Variants in TENM1 observed in about 807,000 individuals in gnomAD.
TENM1 encodes the protein teneurin-1.
In TENM1, 35 loss-of-function variants were observed where a neutral mutation model predicts 174.8. The ratio of observed to expected loss-of-function variants is 0.20; its 90% confidence interval spans 0.15 to 0.27. The LOEUF (loss-of-function observed/expected upper bound fraction) is 0.27. TENM1 is among the 10% of genes least tolerant of loss of function. The probability of loss-of-function intolerance (pLI) is 1.00; values close to 1 mark genes in which losing one functional copy is unlikely to be tolerated. For missense variants in TENM1, 1,633 were observed against 2,130.1 expected (o/e 0.77, Z 4.59); for synonymous variants, 781 against 798.7 (o/e 0.98, Z 0.37).
At chrX:125,195,660 T>A in the TENM1 span, among the ~76,000 whole-genome samples, 1 of 111,574 alleles carries the variant, frequency 9.0e-6, no homozygotes, top group Admixed American at 9.6e-5. Context: ...GAAAGATATA[T>A]CACAAATGTA....
chrX:124,512,170 T>C (rs896330849), intron 18 of TENM1, among the ~76,000 whole-genome samples: 2 of 111,447 alleles, frequency 1.8e-5, no homozygotes, highest in Non-Finnish European at 3.8e-5. Context: ...GGGAATTATT[T>C]TGACAAAATT....
At chrX:124,897,202 T>C (rs1054951557) in intron 1 of TENM1, among the ~76,000 whole-genome samples, 1 of 111,294 alleles carries the variant, frequency 9.0e-6, no homozygotes, top group African/African-American at 3.3e-5. Flanking sequence ...TATAGCAAGG[T>C]GTCAAAAAGG....
intron 3 of TENM1, among the ~76,000 whole-genome samples, chrX:124,737,459 G>A (rs769548191): frequency 8.9e-6 from 1 of 111,806 alleles, no homozygotes; most frequent in African/African-American, 3.3e-5. Flanking sequence ...AAATGAGGCC[G>A]CCTCACACCA....
intron 11 of TENM1, among the ~76,000 whole-genome samples, chrX:124,624,423 T>A: frequency 9.0e-6 from 1 of 111,676 alleles, no homozygotes; most frequent in Non-Finnish European, 1.9e-5. Context: ...ACTTCCGATG[T>A]TAAGATTCAC....
At chrX:125,116,839 G>A in the TENM1 span, among the ~76,000 whole-genome samples, 3 of 110,449 alleles carry the variant, frequency 2.7e-5, no homozygotes, top group South Asian at 3.9e-4. Context: ...GTGAAACCCC[G>A]TCTCTACTGA....
chrX:124,678,193 C>G (rs1355965149), intron 5 of TENM1, among the ~76,000 whole-genome samples: 1 of 110,691 alleles, frequency 9.0e-6, no homozygotes, highest in Non-Finnish European at 1.9e-5. Flanking sequence ...GCTTTTTGGG[C>G]CAGAGAGCTT....
At chrX:124,524,693 C>T (rs890350980) in intron 16 of TENM1, among the ~76,000 whole-genome samples, 1 of 111,870 alleles carries the variant, frequency 8.9e-6, no homozygotes, top group Admixed American at 9.5e-5. Flanking sequence ...ACTACCTCTG[C>T]TGTAAGCCAG....
At chrX:124,450,117 G>C (rs1444791880) in intron 23 of TENM1, among the ~76,000 whole-genome samples, 2 of 110,832 alleles carry the variant, frequency 1.8e-5, no homozygotes, top group Non-Finnish European at 3.8e-5. Context: ...TCTCGTGATA[G>C]TGCATGAGTC....
At chrX:124,387,166 A>C (rs1464732003) in intron 28 of TENM1, among the ~76,000 whole-genome samples, 1 of 108,264 alleles carries the variant, frequency 9.2e-6, no homozygotes, top group Non-Finnish European at 1.9e-5. Context: ...TTGTGTTTTA[A>C]TATTAGGGAA....
intron 3 of TENM1, among the ~76,000 whole-genome samples, chrX:124,761,623 C>G (rs1407565070): frequency 9.1e-6 from 1 of 109,625 alleles, no homozygotes; most frequent in Non-Finnish European, 1.9e-5. Context: ...AGCAAACCAA[C>G]ATGGCACATG....
At chrX:124,638,738 G>A (rs1029116622) in intron 11 of TENM1, among the ~76,000 whole-genome samples, 5 of 111,219 alleles carry the variant, frequency 4.5e-5, no homozygotes, top group African/African-American at 1.3e-4. Context: ...ATATGCAAGC[G>A]GGATCTTCTG....
chrX:124,906,052 C>T (rs2057743373), intron 1 of TENM1, among the ~76,000 whole-genome samples: 1 of 111,709 alleles, frequency 9.0e-6, no homozygotes, highest in Non-Finnish European at 1.9e-5. Context: ...CCCATTGTAA[C>T]CTGAAAATAT....
chrX:124,827,112 G>A (rs1035324152), intron 3 of TENM1, among the ~76,000 whole-genome samples: 10 of 111,365 alleles, frequency 9.0e-5, no homozygotes, highest in African/African-American at 9.8e-5. Context: ...GTGCAGTGGC[G>A]CGATCTCAGC....
intron 1 of TENM1, among the ~76,000 whole-genome samples, chrX:124,955,578 G>T (rs2058559042): frequency 9.0e-6 from 1 of 110,751 alleles, no homozygotes; most frequent in Non-Finnish European, 1.9e-5. Flanking sequence ...TAAGATAATT[G>T]GCTCTCATTA....
At chrX:124,821,318 G>T (rs1043100381) in intron 3 of TENM1, among the ~76,000 whole-genome samples, 3 of 111,662 alleles carry the variant, frequency 2.7e-5, no homozygotes, top group South Asian at 7.6e-4. Flanking sequence ...CTTAAAAATA[G>T]ACATTTCTTC....
the TENM1 span, among the ~76,000 whole-genome samples, chrX:124,982,721 G>A: frequency 8.9e-6 from 1 of 111,839 alleles, no homozygotes; most frequent in Admixed American, 9.5e-5. Context: ...TCCTCCAGTT[G>A]ATATTCTCAA....
chrX:124,965,885 C>T (rs1007960409), upstream of TENM1, among the ~76,000 whole-genome samples: 2 of 111,532 alleles, frequency 1.8e-5, no homozygotes, highest in Non-Finnish European at 3.8e-5. Flanking sequence ...CTAAAAGATA[C>T]GTCAAACACA....
chrX:124,584,203 C>T (rs769147525), intron 11 of TENM1, among the ~76,000 whole-genome samples: 15 of 109,024 alleles, frequency 1.4e-4, no homozygotes, highest in East Asian at 2.9e-4. Context: ...AGATACTCCT[C>T]GAGAAGAGCA....
At chrX:124,935,013 T>A (rs2058224531) in intron 1 of TENM1, among the ~76,000 whole-genome samples, 1 of 109,836 alleles carries the variant, frequency 9.1e-6, no homozygotes, top group South Asian at 4.0e-4. Flanking sequence ...AAATAAAATA[T>A]CCTCTTGTAA....
Sources: gnomAD v4.1 joint callset for allele counts (sites outside exome capture counted in the v4.1 genomes callset) on GRCh38, gnomAD v4.1.1 for gene constraint, MANE v1.5 for transcripts, NCBI Gene and HGNC (gene_info 2026-07-23, HGNC 2026-07-21) for gene names.